CIT: variants seen among roughly 807,000 people sequenced by gnomAD.
CIT encodes the protein citron Rho-interacting kinase.
In CIT, 79 loss-of-function variants were observed where a neutral mutation model predicts 272.7. That is an observed-to-expected ratio of 0.29 (90% CI 0.24 to 0.35). The LOEUF is 0.35. Among genes scored for constraint, CIT ranks in the 10% least tolerant of loss-of-function variants. CIT has a pLI of 1.00. For missense variants in CIT, 1,909 were observed against 2,618.3 expected (o/e 0.73, Z 5.91); for synonymous variants, 948 against 995.6 (o/e 0.95, Z 0.90).
At chr12:119,727,896 T>G (rs1958201577) in intron 28 of CIT, among the ~76,000 whole-genome samples, 1 of 151,504 alleles carries the variant, frequency 6.6e-6, no homozygotes, top group Admixed American at 6.6e-5. Flanking sequence ...CTCCACTGCA[T>G]TCTAGCCTGG....
At chr12:119,732,771 A>G (rs992494970) in intron 26 of CIT, among the ~76,000 whole-genome samples, 1 of 152,176 alleles carries the variant, frequency 6.6e-6, no homozygotes, top group Non-Finnish European at 1.5e-5. Flanking sequence ...CGATATTTCT[A>G]TGGATAGCTA....
At chr12:119,865,478 T>C (rs1455407343) in intron 3 of CIT, among the ~76,000 whole-genome samples, 1 of 152,254 alleles carries the variant, frequency 6.6e-6, no homozygotes, top group African/African-American at 2.4e-5. Flanking sequence ...TCACAGTTAT[T>C]AATACTGGGT....
At chr12:119,847,880 TG>T (rs1297776052) in intron 5 of CIT, among the ~76,000 whole-genome samples, 39 of 152,246 alleles carry the variant, frequency 2.6e-4, no homozygotes, top group Admixed American at 2.6e-3. Flanking sequence ...AACACTAGCC[TG>T]GGTGACAGAG....
chr12:119,714,891 CA>C (rs1395018702), intron 32 of CIT, among the ~76,000 whole-genome samples: 1 of 152,178 alleles, frequency 6.6e-6, no homozygotes, highest in Non-Finnish European at 1.5e-5. Flanking sequence ...ATGTTCACAG[CA>C]GCATAATTTA....
At chr12:119,747,734 C>A (rs962427834) in intron 23 of CIT, among the ~76,000 whole-genome samples, 17 of 151,624 alleles carry the variant, frequency 1.1e-4, no homozygotes, top group African/African-American at 3.6e-4. Context: ...AACAAACAAA[C>A]AAAAAAATTA....
At chr12:119,747,835 GA>G (rs1317677870) in intron 23 of CIT, among the ~76,000 whole-genome samples, 8 of 152,114 alleles carry the variant, frequency 5.3e-5, no homozygotes, top group Non-Finnish European at 8.8e-5. Flanking sequence ...TTAACACAGT[GA>G]AAAGTGTTAA....
intron 28 of CIT, among the ~76,000 whole-genome samples, chr12:119,726,767 G>A (rs554685156): frequency 2.6e-5 from 4 of 152,172 alleles, no homozygotes; most frequent in African/African-American, 4.8e-5. Flanking sequence ...AGAACAAAGC[G>A]GAATCATCAG....
At chr12:119,746,563 T>C (rs1010317057) in intron 23 of CIT, among the ~76,000 whole-genome samples, 10 of 152,216 alleles carry the variant, frequency 6.6e-5, no homozygotes, top group African/African-American at 2.2e-4. Context: ...AGAAGCCCTA[T>C]TCCACTTTCT....
At chr12:119,840,311 C>T (rs1969322676) in intron 5 of CIT, among the ~76,000 whole-genome samples, 3 of 152,180 alleles carry the variant, frequency 2.0e-5, no homozygotes, top group Admixed American at 6.5e-5. Flanking sequence ...CAGTCAGACT[C>T]TGTCTCGAAA....
Position 119,718,915 on chromosome 12 carries a change from T to G in CIT, c.3841-54A>C, listed in dbSNP as rs997873854. 1 of 1,573,948 alleles carries G rather than the reference T, an allele frequency of 6.4e-7. No homozygotes were observed. The highest frequency in any genetic ancestry group is 8.7e-7 in the Non-Finnish European group (1 of 1,147,322). Reference sequence around the variant, plus strand: ...ACTCCTGGAAACTGGCACTTGAAACTAGCTAAAGGAAATCTGACTCGGGAG... The same window carrying G: ...ACTCCTGGAAACTGGCACTTGAAACGAGCTAAAGGAAATCTGACTCGGGAG... On this transcript the variant is annotated intron_variant, in intron 30 of 47. Transcript: ENST00000392521. The surrounding 1 kb of genome is among the most constrained non-coding windows in gnomAD (Gnocchi z 4.8).
At chr12:119,852,989 ATATC>A in intron 4 of CIT, among the ~76,000 whole-genome samples, 1 of 152,230 alleles carries the variant, frequency 6.6e-6, no homozygotes, top group South Asian at 2.1e-4. Context: ...AGATGATTAT[ATATC>A]TATCTCCTAC....
At chr12:119,708,758 G>A (rs914600859) in intron 39 of CIT, among the ~76,000 whole-genome samples, 1 of 152,152 alleles carries the variant, frequency 6.6e-6, no homozygotes, top group Non-Finnish European at 1.5e-5. Flanking sequence ...AAAGTGCTGA[G>A]ATTACAGGCG....
At chr12:119,836,284 T>TAAAAAA (rs201559880) in intron 5 of CIT, among the ~76,000 whole-genome samples, 563 of 42,204 alleles carry the variant, frequency 0.013, 56 homozygotes, top group African/African-American at 0.055. Context: ...AGACTCCATC[T>TAAAAAA]AAAAAAAAAA....
chr12:119,763,446 C>G (rs1962063318), intron 19 of CIT, among the ~76,000 whole-genome samples: 1 of 152,150 alleles, frequency 6.6e-6, no homozygotes, highest in Non-Finnish European at 1.5e-5. Flanking sequence ...ACAGACTGGT[C>G]TCGAATCCCT....
chr12:119,720,412 G>T, intron 30 of CIT, 66 bp downstream of exon 30: 1 of 1,011,788 alleles, frequency 9.9e-7, no homozygotes, highest in East Asian at 2.4e-5. Context: ...TATCACAGTG[G>T]TGTCCACTGA....
intron 5 of CIT, among the ~76,000 whole-genome samples, chr12:119,845,727 G>A (rs1348494185): frequency 2.0e-5 from 3 of 150,226 alleles, no homozygotes; most frequent in East Asian, 2.0e-4. Flanking sequence ...CAAGGTGGGC[G>A]GATCACAAGG....
At chr12:119,706,049 C>T (rs956708267) in intron 40 of CIT, among the ~76,000 whole-genome samples, 3 of 150,262 alleles carry the variant, frequency 2.0e-5, no homozygotes, top group African/African-American at 7.4e-5. Context: ...AAGATCGTGC[C>T]GCTGTGCTCC....
At chr12:119,855,867 T>C (rs188464574) in intron 4 of CIT, among the ~76,000 whole-genome samples, 83 of 152,176 alleles carry the variant, frequency 5.5e-4, no homozygotes, top group Middle Eastern at 6.8e-3. Context: ...AACATAAGCA[T>C]CACAAGGTCA....
At chr12:119,703,702 A>G (rs1009939409) in intron 41 of CIT, among the ~76,000 whole-genome samples, 10 of 152,326 alleles carry the variant, frequency 6.6e-5, no homozygotes, top group African/African-American at 2.4e-4. Context: ...CTGGGATTAT[A>G]GGCCTGAGCC....
Sources: allele counts gnomAD v4.1 joint callset (sites outside exome capture counted in the v4.1 genomes callset), GRCh38; gene constraint gnomAD v4.1.1; non-coding constraint Gnocchi (gnomAD v3.1); transcripts MANE v1.5; gene names NCBI Gene and HGNC (gene_info 2026-07-23, HGNC 2026-07-21).